ITSN1: variants seen among roughly 807,000 people sequenced by gnomAD.
ITSN1 encodes the protein intersectin-1.
A neutral mutation model predicts 239.8 loss-of-function variants in ITSN1; 58 were observed. The observed-to-expected ratio is 0.24, with a 90% CI of 0.20 to 0.30. The LOEUF is 0.30. Among genes scored for constraint, ITSN1 ranks in the 10% least tolerant of loss-of-function variants. The pLI is 1.00. For synonymous variants in ITSN1, 780 were observed against 770.8 expected (o/e 1.01, Z -0.20); for missense variants, 1,558 against 2,103.3 (o/e 0.74, Z 5.07).
chr21:33,868,608 C>G (rs568008175), intron 33 of ITSN1, among the ~76,000 whole-genome samples: 1 of 152,198 alleles, frequency 6.6e-6, no homozygotes, highest in Non-Finnish European at 1.5e-5. Flanking sequence ...CCGGCTGCTC[C>G]GAGTGCGGGG....
At chr21:33,878,008 TTGTGTG>T (rs71194867) in intron 34 of ITSN1, among the ~76,000 whole-genome samples, 34,642 of 140,038 alleles carry the variant, frequency 0.25, 5,476 homozygotes, top group African/African-American at 0.47. Flanking sequence ...CTCTCTCTCT[TTGTGTG>T]TGTGTGTGTG....
intron 10 of ITSN1, 131 bp downstream of exon 10, chr21:33,766,143 C>A: frequency 1.1e-6 from 1 of 917,062 alleles, no homozygotes; most frequent in Non-Finnish European, 1.7e-6. Context: ...ATTCTAGAGA[C>A]TCTCATCTAG....
chr21:33,721,134 C>G (rs763784866), intron 2 of ITSN1, 44 bp from the exon 3 acceptor site: 4 of 1,353,732 alleles, frequency 3.0e-6, no homozygotes, highest in African/African-American at 1.4e-5. Flanking sequence ...TTTTGTTTTC[C>G]TTTTCTCACT....
intron 5 of ITSN1, among the ~76,000 whole-genome samples, chr21:33,740,992 T>C (rs2066813815): frequency 6.6e-6 from 1 of 152,234 alleles, no homozygotes; most frequent in African/African-American, 2.4e-5. Context: ...AGAAGATTTC[T>C]AACAAATTTG....
Position 33,856,746 on chromosome 21 carries a change from C to T in ITSN1, c.3672C>T (p.Asp1224=), listed in dbSNP as rs1979414884. 1 of 1,613,996 alleles carries T rather than the reference C, an allele frequency of 6.2e-7. No individual in the cohort carries two copies. Among genetic ancestry groups the T allele is most frequent in the South Asian group, 1.1e-5 (1 of 91,078 alleles). The part of the protein sequence containing the change: ...DMDPSQQWCS[D]LHLLDMLTPT... ...GGTTGTGTTTTCCAGGGTGTTCAGA[C>T]TTACATCTCTTGGATATGTTGACCC... Residue 1224 remains aspartate (D), a synonymous_variant, in exon 30 of 40, where the codon GAC becomes GAT. Coordinates refer to ENST00000381318, the MANE Select transcript of ITSN1 (RefSeq NM_003024.3).
intron 12 of ITSN1, among the ~76,000 whole-genome samples, chr21:33,773,724 G>A (rs2147804864): frequency 6.6e-6 from 1 of 151,856 alleles, no homozygotes; most frequent in African/African-American, 2.4e-5. Context: ...CTGTTGCCCA[G>A]GCTGGAGTGC....
At chr21:33,705,065 C>T (rs972202806) in intron 1 of ITSN1, among the ~76,000 whole-genome samples, 4 of 143,958 alleles carry the variant, frequency 2.8e-5, no homozygotes, top group Non-Finnish European at 4.5e-5. Context: ...GAGCCGAGAT[C>T]GGGCCACTGC....
At chr21:33,677,697 G>A (rs754652445) in intron 1 of ITSN1, among the ~76,000 whole-genome samples, 25 of 152,082 alleles carry the variant, frequency 1.6e-4, no homozygotes, top group Admixed American at 1.2e-3. Flanking sequence ...GTCCTTTCTC[G>A]TCTTAGTAAA....
chr21:33,782,215 C>T, intron 16 of ITSN1, 82 bp downstream of exon 16: 2 of 1,330,874 alleles, frequency 1.5e-6, no homozygotes, highest in South Asian at 1.3e-5. Flanking sequence ...TATTTAATCA[C>T]AGGCAGAAAA....
At chr21:33,761,753 T>C (rs540566025) in intron 8 of ITSN1, among the ~76,000 whole-genome samples, 170 bp from the exon 9 acceptor site, 26 of 152,362 alleles carry the variant, frequency 1.7e-4, no homozygotes, top group Middle Eastern at 3.4e-3. Context: ...CTCTTTTTCA[T>C]TGGGGCTTAA....
chr21:33,747,827 T>G (rs1444732093), intron 5 of ITSN1, among the ~76,000 whole-genome samples: 2 of 152,156 alleles, frequency 1.3e-5, no homozygotes, highest in Non-Finnish European at 2.9e-5. Context: ...GAAGAAATAC[T>G]AAATGAAGAC....
intron 1 of ITSN1, among the ~76,000 whole-genome samples, chr21:33,703,319 A>G (rs1166114103): frequency 4.6e-5 from 7 of 152,110 alleles, no homozygotes; most frequent in African/African-American, 1.7e-4. Context: ...AAGGATCATC[A>G]GTATTTTTTC....
intron 1 of ITSN1, among the ~76,000 whole-genome samples, chr21:33,710,088 T>G (rs1320262188): frequency 3.3e-5 from 5 of 151,332 alleles, no homozygotes; most frequent in African/African-American, 7.3e-5. Context: ...TTTGTTTTTT[T>G]TTTTTTTTGA....
At chr21:33,811,485 AT>A (rs555013962) in intron 21 of ITSN1, among the ~76,000 whole-genome samples, 189 of 152,350 alleles carry the variant, frequency 1.2e-3, no homozygotes, top group African/African-American at 4.4e-3. Context: ...ATTTGTATCT[AT>A]CATTCTTGTG....
intron 1 of ITSN1, among the ~76,000 whole-genome samples, chr21:33,681,616 T>TTTTTATTTTATTTTATTTTA (rs147580027): frequency 1.4e-3 from 201 of 147,262 alleles, no homozygotes; most frequent in African/African-American, 4.8e-3. Flanking sequence ...TTGGAACCAG[T>TTTTTATTTTATTTTATTTTA]TTTTATTTTA....
At chr21:33,750,109 A>G in intron 5 of ITSN1, 34 bp from the exon 6 acceptor site, 1 of 1,598,682 alleles carries the variant, frequency 6.3e-7, no homozygotes, top group Admixed American at 1.7e-5. Context: ...ATGTGATTGG[A>G]TGTGAATGGT....
At chr21:33,815,398 G>T (rs1314649766) in intron 22 of ITSN1, among the ~76,000 whole-genome samples, 1 of 151,702 alleles carries the variant, frequency 6.6e-6, no homozygotes, top group Non-Finnish European at 1.5e-5. Context: ...TGGGGTGGGG[G>T]TTTGTTCCAG....
At chr21:33,817,211 G>T (rs1465227108) in intron 22 of ITSN1, 1 of 1,289,544 alleles carries the variant, frequency 7.8e-7, no homozygotes, top group Non-Finnish European at 1.0e-6. Context: ...GATAATAAAT[G>T]CCTCACCCTG....
At chr21:33,734,766 C>G (rs1369206408) in intron 4 of ITSN1, among the ~76,000 whole-genome samples, 5 of 152,158 alleles carry the variant, frequency 3.3e-5, no homozygotes, top group African/African-American at 1.2e-4. Flanking sequence ...TTCATCACTT[C>G]AGAAAGAAAC....
Sources: gnomAD v4.1 joint callset for allele counts (sites outside exome capture counted in the v4.1 genomes callset) on GRCh38, gnomAD v4.1.1 for gene constraint, MANE v1.5 for transcripts, NCBI Gene and HGNC (gene_info 2026-07-23, HGNC 2026-07-21) for gene names.